The following WDR45B variants were observed in gnomAD, a reference collection of about 807,000 sequenced individuals.
WDR45B encodes WD repeat domain phosphoinositide-interacting protein 3.
In WDR45B, 20 loss-of-function variants were observed where a neutral mutation model predicts 44.6. The observed-to-expected ratio is 0.45, with a 90% confidence interval of 0.32 to 0.65. The LOEUF (loss-of-function observed/expected upper bound fraction) is 0.65. Ranked by LOEUF, WDR45B falls within the 30% of genes least tolerant of loss-of-function variation. WDR45B has a pLI of 0.05. For synonymous variants in WDR45B, 169 were observed against 164.9 expected, an observed-to-expected ratio of 1.02 and a Z score of -0.19; for missense variants, 323 against 430.2, an observed-to-expected ratio of 0.75 and a Z score of 2.20.
At chr17:82,629,649 A>C in intron 3 of WDR45B, 1 of 985,426 alleles carries the variant, frequency 1.0e-6, no homozygotes. Context: ...AACAAAAATA[A>C]ATGTATCAGG....
At chr17:82,629,931 T>C in intron 3 of WDR45B, 2 of 985,150 alleles carry the variant, frequency 2.0e-6, no homozygotes, top group Non-Finnish European at 2.4e-6. Flanking sequence ...GATTCTGAAC[T>C]GCCTCCCTCA....
At chr17:82,644,990 C>T (rs1406849057) in intron 1 of WDR45B, among the ~76,000 whole-genome samples, 1 of 152,090 alleles carries the variant, frequency 6.6e-6, no homozygotes, top group East Asian at 1.9e-4. Context: ...GTGAAACCTA[C>T]CCTCCACTAA....
At chr17:82,623,667 C>T (rs1301051639) in intron 5 of WDR45B, among the ~76,000 whole-genome samples, 15 of 150,484 alleles carry the variant, frequency 1.0e-4, no homozygotes, top group Non-Finnish European at 1.9e-4. Flanking sequence ...CACTGCACTC[C>T]AGCTTGGGCA....
chr17:82,643,994 A>G lies in WDR45B; in HGVS notation c.97T>C (p.Phe33Leu), dbSNP rs773353791. 1 of 1,614,174 alleles carries G rather than the reference A, an allele frequency of 6.2e-7. No individual in the cohort carries two copies. The highest frequency in any genetic ancestry group is 8.5e-7 in the Non-Finnish European group (1 of 1,180,032). Residue 33 changes from phenylalanine to leucine, a missense_variant, in exon 2 of 10, where the codon TTC becomes CTC. Transcript: ENST00000392325. The stretch of plus-strand genomic sequence containing the variant: ...AGTGGATCAGTGTTATAGACTCGGA[A>G]TCCATTTTCCATCCCACACGCAAAG... The part of the protein sequence containing the change: ...GCFACGMENG[F>L]RVYNTDPLKE...
chr17:82,626,640 T>TA (rs1204343512), intron 4 of WDR45B: 1 of 155,440 alleles, frequency 6.4e-6, no homozygotes, highest in East Asian at 1.9e-4. Flanking sequence ...ATGGAAATCT[T>TA]AGAGTAAAAT....
chr17:82,630,806 G>C, intron 3 of WDR45B, 115 bp downstream of exon 3: 1 of 1,060,500 alleles, frequency 9.4e-7, no homozygotes, highest in Non-Finnish European at 1.5e-6. Context: ...GACCAGTCCT[G>C]GATATTTCAC....
chr17:82,620,300 G>A lies in WDR45B; in HGVS notation c.619-1172C>T, dbSNP rs1044893296. Reference sequence around the variant, plus strand: ...AATACAAACATTAGCCAGGCATGGCGGTGGGTGCCTGTCACCCAGCTACTC... The same window carrying A: ...AATACAAACATTAGCCAGGCATGGCAGTGGGTGCCTGTCACCCAGCTACTC... On this transcript the variant is annotated intron_variant, in intron 6 of 9. Transcript: ENST00000392325. Among the ~76,000 whole-genome samples the A allele has an allele frequency of 2.6e-5, 4 of 152,300 alleles. No homozygotes were observed. The East Asian group carries it at 5.8e-4, about 22-fold the overall frequency.
intron 2 of WDR45B, among the ~76,000 whole-genome samples, chr17:82,632,884 A>G (rs2045785658): frequency 1.3e-5 from 2 of 152,140 alleles, no homozygotes; most frequent in South Asian, 4.2e-4. Context: ...AAATTAAAAA[A>G]TTCGCCGGCC....
At chr17:82,626,893 T>C (rs1268084484) in intron 4 of WDR45B, 15 of 419,636 alleles carry the variant, frequency 3.6e-5, no homozygotes, top group Non-Finnish European at 5.3e-5. Flanking sequence ...TCAAAACTCA[T>C]GTCCTCAGCT....
At chr17:82,617,496 T>G in intron 7 of WDR45B, 99 bp from the exon 8 acceptor site, 4 of 1,185,218 alleles carry the variant, frequency 3.4e-6, no homozygotes, top group Non-Finnish European at 4.9e-6. Flanking sequence ...CACCTCAACA[T>G]TCCCACTCTG....
In WDR45B at chr17:82,621,913, T is replaced by C. The variant is rs1032487441; in HGVS notation, c.428-114A>G. Reference sequence around the variant, plus strand: ...AATAGATGTATATCATTTATAAATATCAGAACCACAAATTCAATTTAAAGA... The same window carrying C: ...AATAGATGTATATCATTTATAAATACCAGAACCACAAATTCAATTTAAAGA... On this transcript the variant is annotated intron_variant, in intron 5 of 9. Coordinates refer to ENST00000392325, the MANE Select transcript of WDR45B (RefSeq NM_019613.4). The C allele has an allele frequency of 3.5e-6, 4 of 1,156,396 alleles. No homozygotes were observed. The Admixed American group carries it at 6.2e-5, about 18-fold the overall frequency. 71.6% of individuals were successfully genotyped at this position (1,156,396 alleles called of 1,614,324 possible).
chr17:82,617,597 A>G (rs1406941056), intron 7 of WDR45B, 200 bp from the exon 8 acceptor site: 6 of 625,904 alleles, frequency 9.6e-6, no homozygotes, highest in Middle Eastern at 4.0e-4. Context: ...CCACAGCCAC[A>G]ATCCAGTGTA....
At chr17:82,647,196 G>T (rs2045989543) in intron 1 of WDR45B, among the ~76,000 whole-genome samples, 1 of 119,764 alleles carries the variant, frequency 8.3e-6, no homozygotes, top group Non-Finnish European at 1.9e-5. Flanking sequence ...ACCAGGCTGG[G>T]CGACAGAATG....
rs189161109 is a variant in WDR45B, at chr17:82,626,677, A to G, written c.332+527T>C. Reference sequence around the variant, plus strand: ...TGCAAATCATATTAAATAAAAACCCAAATGAACGAACTCTGCGCTATCTTG... The same window carrying G: ...TGCAAATCATATTAAATAAAAACCCGAATGAACGAACTCTGCGCTATCTTG... On this transcript the variant is annotated intron_variant, in intron 4 of 9. Transcript: ENST00000392325. The G allele has an allele frequency of 3.7e-5, 6 of 160,598 alleles. No individual in the cohort carries two copies. The East Asian group carries it at 1.1e-3, about 28-fold the overall frequency. The allele number at this position is 160,598 out of a possible 1,614,324, so 9.9% of individuals were successfully genotyped here. A position where few individuals can be genotyped will look rare whatever the true frequency, so the allele number is the denominator to read the frequency against.
At chr17:82,623,557 A>G (rs2045648973) in intron 5 of WDR45B, among the ~76,000 whole-genome samples, 1 of 151,518 alleles carries the variant, frequency 6.6e-6, no homozygotes, top group Non-Finnish European at 1.5e-5. Flanking sequence ...AAAATTAGCC[A>G]GGCATGGTGG....
intron 1 of WDR45B, among the ~76,000 whole-genome samples, chr17:82,646,680 A>G (rs527710275): frequency 6.6e-6 from 1 of 152,264 alleles, no homozygotes; most frequent in South Asian, 2.1e-4. Flanking sequence ...TGTAGTTTGG[A>G]AAATTCATCA....
At chr17:82,644,110 A>C in intron 1 of WDR45B, 87 bp from the exon 2 acceptor site, 1 of 1,263,714 alleles carries the variant, frequency 7.9e-7, no homozygotes, top group South Asian at 1.2e-5. Flanking sequence ...ACTACTGAGA[A>C]CTCTTGCAGA....
chr17:82,640,074 C>A (rs931531226), intron 2 of WDR45B, among the ~76,000 whole-genome samples: 2 of 141,116 alleles, frequency 1.4e-5, no homozygotes, highest in African/African-American at 2.6e-5. Flanking sequence ...ACACTGCCCC[C>A]CAAGACTGAA....
intron 5 of WDR45B, among the ~76,000 whole-genome samples, chr17:82,622,209 C>A (rs2045628720): frequency 1.3e-5 from 2 of 152,134 alleles, no homozygotes; most frequent in African/African-American, 4.8e-5. Flanking sequence ...AATAAGTTAA[C>A]AGATGTACAA....
Sources: gnomAD v4.1 joint callset for allele counts (sites outside exome capture counted in the v4.1 genomes callset) on GRCh38, gnomAD v4.1.1 for gene constraint, MANE v1.5 for transcripts, NCBI Gene and HGNC (gene_info 2026-07-23, HGNC 2026-07-21) for gene names.